SRRM4: variants seen among roughly 807,000 people sequenced by gnomAD.
The protein encoded by SRRM4 is serine/arginine repetitive matrix protein 4.
SRRM4 carries 33 observed loss-of-function variants against 68.9 expected under a neutral mutation model. The ratio of observed to expected loss-of-function variants is 0.48; its 90% confidence interval spans 0.36 to 0.64. SRRM4 has a LOEUF of 0.64. Ranked by LOEUF, SRRM4 falls within the 30% of genes least tolerant of loss-of-function variation. The pLI, the probability that SRRM4 is intolerant of heterozygous loss-of-function variation, is 0.00. For synonymous variants in SRRM4, 318 were observed against 318.8 expected (o/e 1.00, Z 0.03); for missense variants, 817 against 827.1 (o/e 0.99, Z 0.15).
chr12:118,999,997 C>T (rs1341418559), intron 1 of SRRM4, among the ~76,000 whole-genome samples: 1 of 152,186 alleles, frequency 6.6e-6, no homozygotes, highest in South Asian at 2.1e-4. Flanking sequence ...TGGGGAGGTA[C>T]TTACTGCTCT....
chr12:119,052,168 C>T lies in SRRM4; in HGVS notation c.132-50068C>T, dbSNP rs1327966730. ...ATTCATCTGCTTGATGCCACACTCC[C>T]AAGGGGAATTACATCACCTGCTGTG... On this transcript the variant is annotated intron_variant, in intron 1 of 12. Transcript: ENST00000267260. Among the ~76,000 whole-genome samples the T allele has an allele frequency of 3.9e-5, 6 of 152,292 alleles. No individual in the cohort carries two copies. The East Asian group carries it at 1.2e-3, about 29-fold the overall frequency.
At position 119,125,455 on chromosome 12, in the gene SRRM4, C is replaced by T; in HGVS notation, c.590C>T (p.Ser197Phe). ...CCCTCGCGGTCCCAGAGCTCGGAGTCCCGCCCCTCAAGCTGTGAGAGCAGG... is the reference window on the plus strand; with the variant it reads ...CCCTCGCGGTCCCAGAGCTCGGAGTTCCGCCCCTCAAGCTGTGAGAGCAGG... ...RCPSRSQSSE[S>F]RPSSCESRHR... is the part of the protein sequence containing the mutation. The change falls in exon 7 of 13, where the codon TCC becomes TTC. Residue 197 changes from serine (S) to phenylalanine (F), a missense_variant. By Grantham distance (155) the Ser-to-Phe change is radical (BLOSUM62 -2). Transcript: ENST00000267260. 1.9e-6 allele frequency: 3 copies of T among 1,609,890 alleles called. No homozygotes were observed. Among genetic ancestry groups the T allele is most frequent in the Non-Finnish European group, 2.5e-6 (3 of 1,178,464 alleles).
intron 1 of SRRM4, among the ~76,000 whole-genome samples, chr12:119,092,682 TGTA>T (rs1417355351): frequency 1.3e-5 from 2 of 152,180 alleles, no homozygotes; most frequent in East Asian, 3.9e-4. Flanking sequence ...TATGGATTAT[TGTA>T]GTCATTTCTT....
chr12:119,006,702 T>C (rs1020739863), intron 1 of SRRM4, among the ~76,000 whole-genome samples: 1 of 152,244 alleles, frequency 6.6e-6, no homozygotes, highest in Non-Finnish European at 1.5e-5. Flanking sequence ...GGCCAGATCA[T>C]AGAGCTTCTG....
At chr12:119,144,259 C>T (rs1954386468) in intron 8 of SRRM4, among the ~76,000 whole-genome samples, 1 of 152,160 alleles carries the variant, frequency 6.6e-6, no homozygotes, top group South Asian at 2.1e-4. Flanking sequence ...AGATGCAATA[C>T]TCTAGCTGCC....
chr12:119,150,414 G>A (rs1190072432), intron 9 of SRRM4, among the ~76,000 whole-genome samples: 1 of 152,142 alleles, frequency 6.6e-6, no homozygotes, highest in African/African-American at 2.4e-5. Context: ...AGAGGTTGCA[G>A]TCAGCCACTG....
At chr12:118,998,724 TAAAC>T (rs1953365791) in intron 1 of SRRM4, among the ~76,000 whole-genome samples, 2 of 152,240 alleles carry the variant, frequency 1.3e-5, no homozygotes, top group African/African-American at 4.8e-5. Context: ...GTGAAATACA[TAAAC>T]AATTAGGTTG....
chr12:119,137,853 C>G (rs1954340701), intron 8 of SRRM4, among the ~76,000 whole-genome samples: 2 of 152,102 alleles, frequency 1.3e-5, no homozygotes, highest in African/African-American at 4.8e-5. Flanking sequence ...CTCCTGGTTC[C>G]TTTCATTGAC....
intron 1 of SRRM4, among the ~76,000 whole-genome samples, chr12:119,027,371 G>A (rs891340239): frequency 7.9e-5 from 12 of 152,168 alleles, no homozygotes; most frequent in Admixed American, 2.6e-4. Context: ...AGGTGGCAGC[G>A]GAGGGACAAA....
chr12:119,116,749 GTAAAA>G, intron 3 of SRRM4, 183 bp from the exon 4 acceptor site: 1 of 539,334 alleles, frequency 1.9e-6, no homozygotes, highest in Non-Finnish European at 3.3e-6. Context: ...CAAATGAAAA[GTAAAA>G]TTAAATTTGT....
At chr12:118,982,077 G>T (rs1259640309) in intron 1 of SRRM4, 64 bp downstream of exon 1, 28 of 1,528,856 alleles carry the variant, frequency 1.8e-5, no homozygotes, top group Non-Finnish European at 2.4e-5. Flanking sequence ...GTGCCCCAGA[G>T]CCCGGAGGGG....
intron 1 of SRRM4, among the ~76,000 whole-genome samples, chr12:118,990,958 G>A (rs540539163): frequency 1.3e-5 from 2 of 151,908 alleles, no homozygotes; most frequent in East Asian, 3.9e-4. Context: ...TACCCACCCC[G>A]CACCCAGCTA....
At chr12:119,058,513 T>C (rs112959835) in intron 1 of SRRM4, among the ~76,000 whole-genome samples, 60 of 152,302 alleles carry the variant, frequency 3.9e-4, no homozygotes, top group Middle Eastern at 3.4e-3. Flanking sequence ...AAGCTGGAAA[T>C]GGAATTTAGG....
chr12:119,090,074 G>A (rs541407189), intron 1 of SRRM4, among the ~76,000 whole-genome samples: 1 of 152,142 alleles, frequency 6.6e-6, no homozygotes, highest in Admixed American at 6.5e-5. Context: ...GTTGACAAGG[G>A]GCAGGGACCA....
rs771217485 is a variant in SRRM4, at chr12:119,153,531, TC to T, written c.1281-3del. ...CAGGCTCCTCAGAGGCTGTTACCTCTCCCCCAGGTCCTACTCCCGCTCTCCC... is the reference window on the plus strand; with the variant it reads ...CAGGCTCCTCAGAGGCTGTTACCTCTCCCCAGGTCCTACTCCCGCTCTCCC... On this transcript the variant is annotated splice_region_variant and splice_polypyrimidine_tract_variant and intron_variant, in intron 10 of 12. Coordinates refer to ENST00000267260, the MANE Select transcript of SRRM4 (RefSeq NM_194286.4). The T allele has an allele frequency of 3.2e-6, 5 of 1,552,664 alleles. No individual in the cohort carries two copies. Among genetic ancestry groups the T allele is most frequent in the Middle Eastern group, 1.7e-4 (1 of 6,008 alleles).
intron 1 of SRRM4, among the ~76,000 whole-genome samples, chr12:119,087,673 G>A (rs1163677430): frequency 6.6e-6 from 1 of 152,140 alleles, no homozygotes; most frequent in Non-Finnish European, 1.5e-5. Context: ...ACTGGGCATA[G>A]GAGAGGAAAT....
chr12:119,089,385 G>C (rs1954000198), intron 1 of SRRM4, among the ~76,000 whole-genome samples: 1 of 152,134 alleles, frequency 6.6e-6, no homozygotes, highest in African/African-American at 2.4e-5. Flanking sequence ...CCAACGGAAG[G>C]ACAGACATTT....
intron 10 of SRRM4, among the ~76,000 whole-genome samples, chr12:119,152,507 C>CA (rs149132041): frequency 2.2e-4 from 33 of 151,668 alleles, no homozygotes; most frequent in African/African-American, 5.1e-4. Context: ...ACATTATTAA[C>CA]AAAAAAAAGA....
At chr12:119,067,720 A>G (rs562763518) in intron 1 of SRRM4, among the ~76,000 whole-genome samples, 6 of 152,144 alleles carry the variant, frequency 3.9e-5, no homozygotes, top group Non-Finnish European at 8.8e-5. Context: ...AAATAAATAA[A>G]TAAATAAAAA....
Sources: allele counts gnomAD v4.1 joint callset (sites outside exome capture counted in the v4.1 genomes callset), GRCh38; gene constraint gnomAD v4.1.1; transcripts MANE v1.5; gene names NCBI Gene and HGNC (gene_info 2026-07-23, HGNC 2026-07-21).